The following KIAA0319L variants were observed in gnomAD, a reference collection of about 807,000 sequenced individuals.
The protein encoded by KIAA0319L is dyslexia-associated protein KIAA0319-like protein.
In KIAA0319L, 55 loss-of-function variants were observed where a neutral mutation model predicts 120.1. The ratio of observed to expected loss-of-function variants is 0.46; its 90% CI spans 0.37 to 0.57. KIAA0319L has a LOEUF of 0.57. KIAA0319L is among the 20% of genes least tolerant of loss of function. The pLI is 0.00. For missense variants in KIAA0319L, 1,049 were observed against 1,255.3 expected (o/e 0.84, Z 2.48); for synonymous variants, 398 against 471.9 (o/e 0.84, Z 2.03).
intron 2 of KIAA0319L, among the ~76,000 whole-genome samples, chr1:35,545,964 T>C (rs1475220123): frequency 6.6e-6 from 1 of 151,942 alleles, no homozygotes; most frequent in African/African-American, 2.4e-5. Context: ...TTCATGGTTA[T>C]AGGGAATAAA....
At chr1:35,460,198 C>A in intron 9 of KIAA0319L, 107 bp downstream of exon 9, 1 of 921,374 alleles carries the variant, frequency 1.1e-6, no homozygotes, top group Non-Finnish European at 1.7e-6. Context: ...TATCAACCAA[C>A]TCCACAGTGA....
At chr1:35,443,092 A>G in intron 17 of KIAA0319L, 64 bp from the exon 18 acceptor site, 1 of 1,600,662 alleles carries the variant, frequency 6.2e-7, no homozygotes, top group Non-Finnish European at 8.5e-7. Flanking sequence ...AGCAGCACCT[A>G]GAGCCCATGA....
intron 2 of KIAA0319L, among the ~76,000 whole-genome samples, chr1:35,513,249 T>A (rs1437129550): frequency 6.8e-6 from 1 of 146,010 alleles, no homozygotes; most frequent in East Asian, 2.0e-4. Flanking sequence ...TATATATATA[T>A]AAATCATATC....
At chr1:35,509,823 T>A (rs949629141) in intron 2 of KIAA0319L, 3 of 152,726 alleles carry the variant, frequency 2.0e-5, no homozygotes, top group African/African-American at 7.2e-5. Context: ...CATGTGATGC[T>A]GGAAAACTAT....
At chr1:35,478,817 G>C in intron 4 of KIAA0319L, 149 bp downstream of exon 4, 1 of 940,712 alleles carries the variant, frequency 1.1e-6, no homozygotes, top group Non-Finnish European at 1.6e-6. Flanking sequence ...AGAGCCCCCA[G>C]TCCATGACTG....
chr1:35,454,680 C>T (rs1642316034), intron 10 of KIAA0319L, 195 bp from the exon 11 acceptor site: 1 of 1,346,308 alleles, frequency 7.4e-7, no homozygotes, highest in Non-Finnish European at 9.6e-7. Context: ...TTTCCCCCTT[C>T]AAGGAAACAA....
chr1:35,500,394 C>CA (rs1644962065), intron 3 of KIAA0319L, among the ~76,000 whole-genome samples: 1 of 152,092 alleles, frequency 6.6e-6, no homozygotes, highest in South Asian at 2.1e-4. Context: ...AGAAAGGGTG[C>CA]AATACTTAAA....
intron 18 of KIAA0319L, 54 bp downstream of exon 18, chr1:35,442,852 C>G (rs1372619935): frequency 1.9e-5 from 31 of 1,612,038 alleles, no homozygotes; most frequent in Non-Finnish European, 2.2e-5. Flanking sequence ...CCACTCAGTG[C>G]AGAACCACAT....
chr1:35,443,688 A>AT (rs1641398424), intron 17 of KIAA0319L, among the ~76,000 whole-genome samples: 1 of 152,038 alleles, frequency 6.6e-6, no homozygotes, highest in Non-Finnish European at 1.5e-5. Context: ...AAATAAATAA[A>AT]TAAATAAATA....
chr1:35,539,791 T>C (rs1646720958), intron 2 of KIAA0319L, among the ~76,000 whole-genome samples: 1 of 152,200 alleles, frequency 6.6e-6, no homozygotes, highest in South Asian at 2.1e-4. Context: ...AACATTGAGC[T>C]GTATCAAAAA....
chr1:35,479,947 CAAAAAAAAA>C (rs71062878), intron 3 of KIAA0319L, among the ~76,000 whole-genome samples: 5 of 32,290 alleles, frequency 1.5e-4, no homozygotes, highest in South Asian at 2.3e-3. Flanking sequence ...TATGATGAGC[CAAAAAAAAA>C]AAAAAAAAAA....
intron 3 of KIAA0319L, 111 bp from the exon 4 acceptor site, chr1:35,479,323 C>CA: frequency 1.2e-6 from 1 of 822,196 alleles, no homozygotes; most frequent in South Asian, 1.9e-5. Flanking sequence ...GCAAAAATAT[C>CA]AAAAATATTA....
At chr1:35,470,222 G>A (rs1429131678) in intron 6 of KIAA0319L, among the ~76,000 whole-genome samples, 2 of 152,050 alleles carry the variant, frequency 1.3e-5, no homozygotes, top group Non-Finnish European at 2.9e-5. Flanking sequence ...GCTGGGCATG[G>A]TGGCTCACAC....
intron 14 of KIAA0319L, 50 bp from the exon 15 acceptor site, chr1:35,450,055 T>C: frequency 6.2e-7 from 1 of 1,607,538 alleles, no homozygotes; most frequent in Non-Finnish European, 8.5e-7. Context: ...TGCCATTCCT[T>C]TCCTGGAGTC....
At chr1:35,555,692 G>A (rs6702475) in intron 1 of KIAA0319L, among the ~76,000 whole-genome samples, 21,471 of 152,182 alleles carry the variant, frequency 0.14, 2,974 homozygotes, top group East Asian at 0.52. Flanking sequence ...CCTCCCAAGA[G>A]GGAACGAGTG....
intron 2 of KIAA0319L, among the ~76,000 whole-genome samples, chr1:35,544,974 C>G (rs532967424): frequency 2.6e-4 from 39 of 152,200 alleles, no homozygotes; most frequent in African/African-American, 9.4e-4. Flanking sequence ...GGAACCCAAA[C>G]AGAACACATG....
At chr1:35,482,116 G>T (rs999988466) in intron 3 of KIAA0319L, among the ~76,000 whole-genome samples, 1 of 151,904 alleles carries the variant, frequency 6.6e-6, no homozygotes, top group African/African-American at 2.4e-5. Flanking sequence ...GAGCCACCAC[G>T]CCCGGCCTGC....
chr1:35,513,442 T>C (rs1028611234), intron 2 of KIAA0319L, among the ~76,000 whole-genome samples: 1 of 151,610 alleles, frequency 6.6e-6, no homozygotes, highest in African/African-American at 2.4e-5. Context: ...TAGCGAGACC[T>C]TGTCTTTACT....
chr1:35,502,629 A>G (rs1419014850), intron 3 of KIAA0319L, among the ~76,000 whole-genome samples: 1 of 152,078 alleles, frequency 6.6e-6, no homozygotes, highest in Non-Finnish European at 1.5e-5. Flanking sequence ...TCAGAACTTT[A>G]CCACCTCCAA....
Sources: allele counts gnomAD v4.1 joint callset (sites outside exome capture counted in the v4.1 genomes callset), GRCh38; gene constraint gnomAD v4.1.1; transcripts MANE v1.5; gene names NCBI Gene and HGNC (gene_info 2026-07-23, HGNC 2026-07-21).